ENTHD1: variants seen among roughly 807,000 people sequenced by gnomAD.
The protein encoded by ENTHD1 is ENTH domain containing 1, also known as ENTH domain-containing protein 1.
Under a neutral mutation model 39.1 loss-of-function variants are expected in ENTHD1, and 23 were observed. That is an observed-to-expected ratio of 0.59 (90% confidence interval 0.42 to 0.83). The LOEUF (loss-of-function observed/expected upper bound fraction) is 0.83. Ranked by LOEUF, ENTHD1 falls within the 40% of genes least tolerant of loss-of-function variation. ENTHD1 has a pLI of 0.00. For synonymous variants in ENTHD1, 230 were observed against 258.2 expected, an observed-to-expected ratio of 0.89 and a Z score of 1.05; for missense variants, 624 against 705.4, an observed-to-expected ratio of 0.88 and a Z score of 1.31.
intron 3 of ENTHD1, among the ~76,000 whole-genome samples, chr22:39,841,761 G>C (rs902007922): frequency 6.6e-5 from 10 of 151,504 alleles, no homozygotes; most frequent in African/African-American, 1.5e-4. Context: ...TGTTATGTGT[G>C]AATTTGATCC....
At chr22:39,862,539 T>C (rs2066150455) in intron 2 of ENTHD1, among the ~76,000 whole-genome samples, 1 of 137,370 alleles carries the variant, frequency 7.3e-6, no homozygotes, top group Non-Finnish European at 1.5e-5. Context: ...AGAGCGAGAC[T>C]CTGTCTCAAA....
chr22:39,808,893 C>T (rs1321839011), intron 5 of ENTHD1, among the ~76,000 whole-genome samples: 1 of 152,082 alleles, frequency 6.6e-6, no homozygotes, highest in Non-Finnish European at 1.5e-5. Flanking sequence ...GTTTTTCATG[C>T]ATGAATCATG....
At chr22:39,823,154 G>T (rs1047145619) in intron 4 of ENTHD1, among the ~76,000 whole-genome samples, 3 of 151,978 alleles carry the variant, frequency 2.0e-5, no homozygotes, top group Non-Finnish European at 2.9e-5. Context: ...GGCTTTTTTA[G>T]CCTTGCATAA....
chr22:39,777,966 C>A (rs950892726), intron 5 of ENTHD1, among the ~76,000 whole-genome samples: 7 of 152,146 alleles, frequency 4.6e-5, no homozygotes, highest in African/African-American at 1.7e-4. Flanking sequence ...GCATGCCAGG[C>A]TGAACAAGAT....
chr22:39,860,698 A>T (rs1300899710), intron 3 of ENTHD1, among the ~76,000 whole-genome samples: 3 of 152,222 alleles, frequency 2.0e-5, no homozygotes, highest in Non-Finnish European at 4.4e-5. Flanking sequence ...AGTTGGAATT[A>T]TCTATTTGTA....
intron 5 of ENTHD1, among the ~76,000 whole-genome samples, chr22:39,794,362 T>A (rs1371846145): frequency 6.6e-6 from 1 of 152,162 alleles, no homozygotes; most frequent in Non-Finnish European, 1.5e-5. Flanking sequence ...TTTGGTAGAG[T>A]CTTTAGGTTT....
intron 3 of ENTHD1, among the ~76,000 whole-genome samples, chr22:39,841,280 A>G (rs2065942535): frequency 6.6e-6 from 1 of 152,168 alleles, no homozygotes; most frequent in Non-Finnish European, 1.5e-5. Flanking sequence ...AAGCCATTGT[A>G]GGTTGGGTTC....
chr22:39,865,055 A>G (rs1022539032), intron 2 of ENTHD1, among the ~76,000 whole-genome samples: 5 of 152,172 alleles, frequency 3.3e-5, no homozygotes, highest in African/African-American at 1.2e-4. Flanking sequence ...GGCCTGAAAT[A>G]ATTTCTTGTA....
chr22:39,890,693 T>A (rs1025777915), intron 1 of ENTHD1, among the ~76,000 whole-genome samples: 1 of 152,140 alleles, frequency 6.6e-6, no homozygotes, highest in African/African-American at 2.4e-5. Flanking sequence ...AGCCTTCTAA[T>A]CCAATAGAGT....
At chr22:39,753,834 TTTC>T (rs1480248515) in intron 6 of ENTHD1, among the ~76,000 whole-genome samples, 1 of 152,176 alleles carries the variant, frequency 6.6e-6, no homozygotes, top group African/African-American at 2.4e-5. Context: ...CAAAATTACT[TTTC>T]TTCTCGCTTA....
chr22:39,759,312 AGCT>A (rs1224855361), intron 6 of ENTHD1, among the ~76,000 whole-genome samples: 1 of 152,076 alleles, frequency 6.6e-6, no homozygotes, highest in African/African-American at 2.4e-5. Context: ...TTTTTTCCCC[AGCT>A]TATTTGACGA....
At chr22:39,763,191 C>T (rs1290404119) in intron 6 of ENTHD1, among the ~76,000 whole-genome samples, 2 of 152,106 alleles carry the variant, frequency 1.3e-5, no homozygotes, top group African/African-American at 4.8e-5. Context: ...TGGAGTGTTT[C>T]CCATGGCTCC....
intron 2 of ENTHD1, among the ~76,000 whole-genome samples, chr22:39,863,798 G>A (rs555032961): frequency 2.6e-5 from 4 of 152,252 alleles, no homozygotes; most frequent in East Asian, 3.9e-4. Context: ...GATGAGAAAT[G>A]GTCAAATTTG....
intron 3 of ENTHD1, among the ~76,000 whole-genome samples, chr22:39,852,674 A>G (rs765285397): frequency 4.6e-5 from 7 of 152,200 alleles, no homozygotes; most frequent in Non-Finnish European, 8.8e-5. Context: ...GTGGTAGGCA[A>G]TTGTAACACA....
intron 1 of ENTHD1, among the ~76,000 whole-genome samples, chr22:39,888,531 G>A (rs1344794742): frequency 6.6e-6 from 1 of 151,876 alleles, no homozygotes; most frequent in African/African-American, 2.4e-5. Flanking sequence ...GGGTTCAAGC[G>A]ATTATCCTGC....
rs190497595 is a variant in ENTHD1 at position 39,795,328 on chromosome 22, A to G, written c.832+25665T>C. 3.7e-3 allele frequency among the ~76,000 whole-genome samples: 566 copies of G among 152,238 alleles called. 6 individuals are homozygous for G. The highest frequency in any genetic ancestry group is 0.012 in the African/African-American group (500 of 41,558). ...TTGAGTTTTTTGGAATAGTGAGAGGAGAACTGGCGTTAGTTCTTCATAAGT... is the reference window on the plus strand; with the variant it reads ...TTGAGTTTTTTGGAATAGTGAGAGGGGAACTGGCGTTAGTTCTTCATAAGT... On this transcript the variant is annotated intron_variant, in intron 5 of 6. Coordinates refer to ENST00000325157, the MANE Select transcript of ENTHD1 (RefSeq NM_152512.4).
At chr22:39,835,808 A>G (rs1304769305) in intron 4 of ENTHD1, 32 bp downstream of exon 4, 1 of 1,490,490 alleles carries the variant, frequency 6.7e-7, no homozygotes, top group South Asian at 1.2e-5. Flanking sequence ...GCAGTGATTT[A>G]TTACAGCAGC....
intron 5 of ENTHD1, among the ~76,000 whole-genome samples, chr22:39,817,669 G>A (rs1331662743): frequency 6.6e-6 from 1 of 151,892 alleles, no homozygotes; most frequent in African/African-American, 2.4e-5. Flanking sequence ...TAAATTAAGA[G>A]TATATTCACT....
intron 1 of ENTHD1, among the ~76,000 whole-genome samples, chr22:39,890,177 A>G (rs2066416022): frequency 6.6e-6 from 1 of 151,778 alleles, no homozygotes; most frequent in South Asian, 2.1e-4. Flanking sequence ...ATATCTGTTT[A>G]ATTAAGATTT....
Sources: gnomAD v4.1 joint callset for allele counts (sites outside exome capture counted in the v4.1 genomes callset) on GRCh38, gnomAD v4.1.1 for gene constraint, MANE v1.5 for transcripts, NCBI Gene and HGNC (gene_info 2026-07-23, HGNC 2026-07-21) for gene names.